The following RABL6 variants were observed in gnomAD, a reference collection of about 807,000 sequenced individuals.
RABL6 encodes RAB, member RAS oncogene family like 6.
Under a neutral mutation model 72.9 loss-of-function variants are expected in RABL6, and 28 were observed. The observed-to-expected ratio is 0.38, with a 90% CI of 0.28 to 0.53. The LOEUF (loss-of-function observed/expected upper bound fraction) is 0.53. Among genes scored for constraint, RABL6 ranks in the 20% least tolerant of loss-of-function variants. The pLI, the probability that RABL6 is intolerant of heterozygous loss-of-function variation, is 0.80. For missense variants in RABL6, 1,029 were observed against 1,008.4 expected (o/e 1.02, Z -0.28); for synonymous variants, 477 against 421.2 (o/e 1.13, Z -1.62).
intron 1 of RABL6, among the ~76,000 whole-genome samples, chr9:136,816,165 C>T (rs905235947): frequency 2.6e-5 from 4 of 152,094 alleles, no homozygotes; most frequent in South Asian, 2.1e-4. Flanking sequence ...AGTGCAGTGG[C>T]GCAATCTTGA....
chr9:136,815,277 G>A, intron 1 of RABL6: 1 of 286,260 alleles, frequency 3.5e-6, no homozygotes, highest in Non-Finnish European at 7.1e-6. Context: ...TGTGGCGACT[G>A]CTTTGCCTGG....
Position 136,840,926 on chromosome 9 carries a change from G to A in RABL6, c.*404G>A, listed in dbSNP as rs1848685441. 2 of 1,474,678 alleles carry A rather than the reference G, an allele frequency of 1.4e-6. No individual in the cohort carries two copies. Among genetic ancestry groups the A allele is most frequent in the Non-Finnish European group, 1.8e-6 (2 of 1,108,666 alleles). 91.3% of individuals were successfully genotyped at this position (1,474,678 alleles called of 1,614,324 possible). On this transcript the variant is annotated 3_prime_UTR_variant, in exon 15 of 15. Transcript: ENST00000311502. Reference sequence around the variant, plus strand: ...TGCTTGCCCTCCGCGCTCATCTGGGGCCGCAGCATGCCTATGGTTCCGCTT... The same window carrying A: ...TGCTTGCCCTCCGCGCTCATCTGGGACCGCAGCATGCCTATGGTTCCGCTT...
At position 136,839,735 on chromosome 9, in the gene RABL6, C is replaced by T. The variant is rs763631818; in HGVS notation, c.1800C>T (p.Asp600=). The T allele has an allele frequency of 1.7e-5, 27 of 1,608,304 alleles. No homozygotes were observed. The highest frequency in any genetic ancestry group is 8.9e-5 in the East Asian group (4 of 44,794). ...PVRDDPSDVT[D]EDEGPAEPPP... ...GAGATGACCCCTCCGATGTGACTGA[C>T]GAGGATGAGGGCCCTGCCGAGCCGC... Residue 600 remains aspartate, a synonymous_variant, in exon 13 of 15, where the codon GAC becomes GAT. Coordinates refer to ENST00000311502, the MANE Select transcript of RABL6 (RefSeq NM_024718.5).
chr9:136,814,324 G>A (rs1266555459), intron 1 of RABL6: 1 of 170,766 alleles, frequency 5.9e-6, no homozygotes, highest in Non-Finnish European at 1.2e-5. Context: ...TGGGACTACA[G>A]GCACGCACCA....
chr9:136,841,176 T>A lies in RABL6; in HGVS notation c.*654T>A. 1 of 662,374 alleles carries A rather than the reference T, an allele frequency of 1.5e-6. No individual in the cohort carries two copies. The highest frequency in any genetic ancestry group is 2.2e-6 in the Non-Finnish European group (1 of 445,042). The allele number at this position is 662,374 out of a possible 1,614,324, so 41.0% of individuals were successfully genotyped here. Reference sequence around the variant, plus strand: ...CTCCACTCAGACCATAAAGCACTCCTGTTTCACTCTGCGTGTGTCTGTTCT... The same window carrying A: ...CTCCACTCAGACCATAAAGCACTCCAGTTTCACTCTGCGTGTGTCTGTTCT... On this transcript the variant is annotated 3_prime_UTR_variant, in exon 15 of 15. Coordinates refer to ENST00000311502, the MANE Select transcript of RABL6 (RefSeq NM_024718.5).
chr9:136,826,375 G>A lies in RABL6; in HGVS notation c.313+549G>A, dbSNP rs368019480. ...CAGGGTGGAGCTCATGGCCCTCCCC[G>A]GGGCCCATGGTCCGTGTGCATGTGT... On this transcript the variant is annotated intron_variant, in intron 3 of 14. Coordinates refer to ENST00000311502, the MANE Select transcript of RABL6 (RefSeq NM_024718.5). This position sits in a 1 kb window ranked among gnomAD's most constrained non-coding sequence, Gnocchi z 4.9. Among the ~76,000 whole-genome samples the A allele has an allele frequency of 2.8e-4, 43 of 152,272 alleles. No homozygotes were observed. The East Asian group carries it at 4.6e-3, about 16-fold the overall frequency.
At chr9:136,809,589 A>T in intron 1 of RABL6, 1 of 162,518 alleles carries the variant, frequency 6.2e-6, no homozygotes, top group Non-Finnish European at 1.4e-5. Context: ...AGCCTGGCCA[A>T]CATAGTGAAA....
intron 7 of RABL6, chr9:136,835,510 G>A (rs1848569093): frequency 2.0e-6 from 1 of 490,706 alleles, no homozygotes. Context: ...TGTCCCCCAA[G>A]CCATGCTGGC....
rs2131210434 is a variant in RABL6 at position 136,840,728 on chromosome 9, AGGGAG to A, written c.*211_*215del. On this transcript the variant is annotated 3_prime_UTR_variant, in exon 15 of 15. Transcript: ENST00000311502. ...CCCAGTGTGAGCCTGCTCTGCAAGA[AGGGAG>A]GGGACAGCTGGCTTCAGCCAGGCTC... 6.5e-7 allele frequency: 1 copy of A among 1,548,534 alleles called. No homozygotes were observed. The highest frequency in any genetic ancestry group is 1.4e-5 in the African/African-American group (1 of 73,104).
In RABL6 at chr9:136,838,028, C is replaced by A. The variant is rs771737693; in HGVS notation, c.1280+13C>A. 1.9e-6 allele frequency: 3 copies of A among 1,553,004 alleles called. No individual in the cohort carries two copies. In the South Asian group the frequency reaches 3.6e-5, roughly 18 times the overall value. On this transcript the variant is annotated intron_variant, in intron 10 of 14. Coordinates refer to ENST00000311502, the MANE Select transcript of RABL6 (RefSeq NM_024718.5). ...AGGACAGCGACAGGTGAGGGGTGGG[C>A]CTGGGCCTCCTCTCCCATTGCCCCC...
intron 3 of RABL6, 129 bp downstream of exon 3, chr9:136,825,955 G>A (rs775630845): frequency 8.9e-7 from 1 of 1,118,798 alleles, no homozygotes; most frequent in Non-Finnish European, 1.3e-6. Context: ...GGGTCTTGCT[G>A]CTCTGCTCCC....
At chr9:136,838,878 G>A (rs1359144546) in intron 10 of RABL6, 31 bp from the exon 11 acceptor site, 2 of 1,512,030 alleles carry the variant, frequency 1.3e-6, no homozygotes, top group Non-Finnish European at 1.8e-6. Context: ...CTACCCCGTG[G>A]CCCTTGACCG....
intron 1 of RABL6, 166 bp downstream of exon 1, chr9:136,808,492 G>A (rs1847920376): frequency 8.5e-6 from 6 of 703,148 alleles, no homozygotes; most frequent in Non-Finnish European, 9.7e-6. Flanking sequence ...GGGGACGCGA[G>A]GAGAGGCCAG....
At chr9:136,835,981 G>A (rs968368114) in intron 8 of RABL6, 136 bp downstream of exon 8, 32 of 796,094 alleles carry the variant, frequency 4.0e-5, no homozygotes, top group African/African-American at 1.0e-4. Context: ...CTTTGGGCAC[G>A]GGTGGAGGAG....
At chr9:136,828,451 C>A in intron 3 of RABL6, 43 bp from the exon 4 acceptor site, 1 of 1,605,988 alleles carries the variant, frequency 6.2e-7, no homozygotes, top group South Asian at 1.1e-5. Context: ...TGGCCCAAGG[C>A]CCAGGGGTTC....
At chr9:136,811,284 C>G (rs1363428685) in intron 1 of RABL6, among the ~76,000 whole-genome samples, 1 of 152,104 alleles carries the variant, frequency 6.6e-6, no homozygotes, top group Admixed American at 6.6e-5. Flanking sequence ...GGCGGGACAA[C>G]TTGAAGTGGG....
chr9:136,829,806 C>G (rs1055960818), intron 5 of RABL6, among the ~76,000 whole-genome samples: 25 of 152,378 alleles, frequency 1.6e-4, no homozygotes, highest in Middle Eastern at 3.4e-3. Flanking sequence ...GCTGCTTGTG[C>G]TGGGGGCTCC....
intron 1 of RABL6, among the ~76,000 whole-genome samples, chr9:136,811,632 AAAC>A (rs1304639041): frequency 6.7e-5 from 10 of 150,220 alleles, no homozygotes; most frequent in Non-Finnish European, 5.9e-5. Flanking sequence ...AAAAAAAAAA[AAAC>A]AATTGCACCA....
Position 136,840,589 on chromosome 9 carries a change from C to T in RABL6, c.*67C>T, listed in dbSNP as rs758181166. ...TGTCACTGCCTGGGGAGGCATTTGCCTCTGTACCATCGCCTTTGCCGCTGC... is the reference window on the plus strand; with the variant it reads ...TGTCACTGCCTGGGGAGGCATTTGCTTCTGTACCATCGCCTTTGCCGCTGC... On this transcript the variant is annotated 3_prime_UTR_variant, in exon 15 of 15. Transcript: ENST00000311502. 4 of 1,549,392 alleles carry T rather than the reference C, an allele frequency of 2.6e-6. No homozygotes were observed. The East Asian group carries it at 9.8e-5, about 38-fold the overall frequency.
Sources: allele counts gnomAD v4.1 joint callset (sites outside exome capture counted in the v4.1 genomes callset), GRCh38; gene constraint gnomAD v4.1.1; non-coding constraint Gnocchi (gnomAD v3.1); transcripts MANE v1.5; gene names NCBI Gene and HGNC (gene_info 2026-07-23, HGNC 2026-07-21).